Variants in UBR2 observed in about 807,000 individuals in gnomAD.
The protein encoded by UBR2 is ubiquitin protein ligase E3 component n-recognin 2, also known as E3 ubiquitin-protein ligase UBR2.
Under a neutral mutation model 247.9 loss-of-function variants are expected in UBR2, and 92 were observed. The observed-to-expected ratio is 0.37, with a 90% CI of 0.31 to 0.44. The LOEUF (loss-of-function observed/expected upper bound fraction) is 0.44, where lower values mean the gene tolerates loss of function less well. Among genes scored for constraint, UBR2 ranks in the 20% least tolerant of loss-of-function variants. The pLI is 1.00. For synonymous variants in UBR2, 672 were observed against 693.5 expected, an observed-to-expected ratio of 0.97 and a Z score of 0.49; for missense variants, 1,613 against 2,112.6, an observed-to-expected ratio of 0.76 and a Z score of 4.64.
Position 42,652,057 on chromosome 6 carries a change from A to G in UBR2, c.2600A>G (p.Asn867Ser). 2 of 1,590,358 alleles carry G rather than the reference A, an allele frequency of 1.3e-6. No individual in the cohort carries two copies. The highest frequency in any genetic ancestry group is 1.8e-5 in the Admixed American group (1 of 54,406). Residue 867 changes from asparagine (N) to serine (S), a missense_variant, in exon 24 of 47, where the codon AAT becomes AGT. Asn to Ser is a conservative substitution (Grantham distance 46). This residue lies in a region of UBR2 where 1,524 missense variants were observed against 1,967.3 expected (regional missense o/e 0.77). Coordinates refer to ENST00000372901, the MANE Select transcript of UBR2 (RefSeq NM_001363705.2). ...GCGCAACGGAAATTGAAAAGACAAA[A>G]TAGAGAAGATACAGGTATTTTTAAT... ...EEAQRKLKRQ[N>S]REDTALPPPV...
At chr6:42,625,376 A>G (rs1180434140) in intron 11 of UBR2, among the ~76,000 whole-genome samples, 2 of 152,070 alleles carry the variant, frequency 1.3e-5, no homozygotes, top group African/African-American at 4.8e-5. Flanking sequence ...TTTCAGATCT[A>G]TAGGTTTTGT....
chr6:42,672,274 C>T (rs909004648), intron 36 of UBR2, among the ~76,000 whole-genome samples: 2 of 152,106 alleles, frequency 1.3e-5, no homozygotes, highest in African/African-American at 4.8e-5. Context: ...CTCAGGTGAT[C>T]TGCCCATCTC....
Position 42,592,141 on chromosome 6 carries a change from A to G in UBR2, c.339-10A>G. ...TCTGACACTTTGATTTTTTTTTTTTAACTTTACAGAGACTGTGCAGTTGAT... is the reference window on the plus strand; with the variant it reads ...TCTGACACTTTGATTTTTTTTTTTTGACTTTACAGAGACTGTGCAGTTGAT... On this transcript the variant is annotated splice_polypyrimidine_tract_variant and intron_variant, in intron 2 of 46. Coordinates refer to ENST00000372901, the MANE Select transcript of UBR2 (RefSeq NM_001363705.2). 1 of 1,592,932 alleles carries G rather than the reference A, an allele frequency of 6.3e-7. No homozygotes were observed. The highest frequency in any genetic ancestry group is 8.5e-7 in the Non-Finnish European group (1 of 1,172,872).
At chr6:42,624,337 T>G (rs924566125) in intron 11 of UBR2, among the ~76,000 whole-genome samples, 2 of 145,954 alleles carry the variant, frequency 1.4e-5, no homozygotes, top group Non-Finnish European at 3.0e-5. Flanking sequence ...GTTGAGTTGG[T>G]GGGGGGGGTG....
chr6:42,598,761 C>T (rs1793166929), intron 4 of UBR2, among the ~76,000 whole-genome samples: 1 of 152,084 alleles, frequency 6.6e-6, no homozygotes, highest in Non-Finnish European at 1.5e-5. Context: ...TTTGTTGAGA[C>T]TTTTGGAAAA....
At chr6:42,607,176 C>CTT (rs55637503) in intron 7 of UBR2, among the ~76,000 whole-genome samples, 2 of 143,974 alleles carry the variant, frequency 1.4e-5, no homozygotes, top group Admixed American at 7.0e-5. Context: ...ATAATTTTAT[C>CTT]TTTTTTTTTT....
intron 6 of UBR2, among the ~76,000 whole-genome samples, chr6:42,606,267 A>G (rs1793693960): frequency 6.6e-6 from 1 of 152,192 alleles, no homozygotes; most frequent in African/African-American, 2.4e-5. Flanking sequence ...TTTCATTTGA[A>G]TATTGGCCCA....
intron 8 of UBR2, among the ~76,000 whole-genome samples, chr6:42,614,439 C>CATATATACGTATATATGTATGTAT (rs1262657277): frequency 2.2e-5 from 2 of 91,996 alleles, no homozygotes; most frequent in African/African-American, 8.5e-5. Flanking sequence ...TATGTATGTA[C>CATATATACGTATATATGTATGTAT]GTACATATAT....
Position 42,658,065 on chromosome 6 carries a change from A to G in UBR2, c.2914A>G (p.Met972Val), listed in dbSNP as rs768168632. The G allele has an allele frequency of 6.2e-7, 1 of 1,614,122 alleles. No homozygotes were observed. Among genetic ancestry groups the G allele is most frequent in the South Asian group, 1.1e-5 (1 of 91,074 alleles). ...APKNSPSILAMLETLQNAPYL... is the reference protein window; with the variant it reads ...APKNSPSILAVLETLQNAPYL... Reference sequence around the variant, plus strand: ...AAAAAATTCTCCTAGCATACTAGCTATGCTGGAAACACTACAAAATGCTCC... The same window carrying G: ...AAAAAATTCTCCTAGCATACTAGCTGTGCTGGAAACACTACAAAATGCTCC... Residue 972 changes from methionine to valine, a missense_variant, in exon 27 of 47, where the codon ATG (methionine) becomes GTG (valine). Around this residue, in one of 3 missense-constraint regions of UBR2, gnomAD observed 1,524 missense variants for 1,967.3 expected, o/e 0.77. Coordinates refer to ENST00000372901, the MANE Select transcript of UBR2 (RefSeq NM_001363705.2).
At chr6:42,677,940 G>A (rs1798805540) in intron 40 of UBR2, among the ~76,000 whole-genome samples, 1 of 152,168 alleles carries the variant, frequency 6.6e-6, no homozygotes, top group Non-Finnish European at 1.5e-5. Flanking sequence ...TGTGCCTGTA[G>A]TCCCAGCTGC....
chr6:42,630,302 A>T (rs1795633603), intron 11 of UBR2, among the ~76,000 whole-genome samples: 2 of 151,140 alleles, frequency 1.3e-5, no homozygotes, highest in African/African-American at 4.9e-5. Flanking sequence ...CTCCTGTCTC[A>T]GCCTCCCGAG....
At chr6:42,680,268 G>A (rs888408445) in intron 42 of UBR2, among the ~76,000 whole-genome samples, 3 of 152,180 alleles carry the variant, frequency 2.0e-5, no homozygotes, top group African/African-American at 4.8e-5. Flanking sequence ...TTACAGGTGT[G>A]AGCCACCGCA....
intron 2 of UBR2, among the ~76,000 whole-genome samples, chr6:42,578,670 G>A (rs972764784): frequency 1.3e-5 from 2 of 152,012 alleles, no homozygotes; most frequent in African/African-American, 2.4e-5. Context: ...GCAGAGGGGT[G>A]CAGATAGTTC....
In UBR2 at chr6:42,660,971, T is replaced by G. The variant is rs1200272507; in HGVS notation, c.3442+1116T>G. Among the ~76,000 whole-genome samples, 8 of 145,114 alleles carry G rather than the reference T, an allele frequency of 5.5e-5. No homozygotes were observed. In the South Asian group the frequency reaches 1.3e-3, roughly 24 times the overall value. ...AACGGAGCGAGACCCTGTGTGGTTTTTTTGTTTGTTTGTTTGTTTGTTTTT... is the reference window on the plus strand; with the variant it reads ...AACGGAGCGAGACCCTGTGTGGTTTGTTTGTTTGTTTGTTTGTTTGTTTTT... On this transcript the variant is annotated intron_variant, in intron 30 of 46. Coordinates refer to ENST00000372901, the MANE Select transcript of UBR2 (RefSeq NM_001363705.2).
chr6:42,645,292 A>G (rs979767873), intron 20 of UBR2, among the ~76,000 whole-genome samples, 174 bp from the exon 21 acceptor site: 2 of 152,206 alleles, frequency 1.3e-5, no homozygotes, highest in African/African-American at 4.8e-5. Flanking sequence ...TCTGAGACAC[A>G]GAAGCATGGT....
At chr6:42,634,913 C>G (rs529733241) in intron 13 of UBR2, among the ~76,000 whole-genome samples, 3 of 152,298 alleles carry the variant, frequency 2.0e-5, no homozygotes, top group Admixed American at 2.0e-4. Context: ...TTCTGACATA[C>G]TAGAATAGTT....
intron 34 of UBR2, among the ~76,000 whole-genome samples, chr6:42,667,946 G>A (rs1337527631): frequency 1.3e-5 from 2 of 151,376 alleles, no homozygotes; most frequent in African/African-American, 4.9e-5. Context: ...TTTAGTAGAG[G>A]TGGGGTTTCT....
intron 23 of UBR2, 51 bp from the exon 24 acceptor site, chr6:42,651,972 T>C (rs1797143846): frequency 3.3e-6 from 5 of 1,511,290 alleles, no homozygotes; most frequent in Non-Finnish European, 3.6e-6. Context: ...TAACCAGGTG[T>C]GGTGGTGGGC....
In UBR2 at chr6:42,635,510, T is replaced by C. The variant is rs143339136; in HGVS notation, c.1638T>C (p.His546=). 5.9e-4 allele frequency: 959 copies of C among 1,613,476 alleles called. 8 individuals are homozygous for C. Among genetic ancestry groups the C allele is most frequent in the South Asian group, 5.0e-3 (459 of 91,012 alleles). ...TCACACTACAAATGAAATTAACACA[T>C]GTCATTTCAATGATGCAGGACTGGT... The part of the protein sequence containing the change: ...AAFTLQMKLT[H]VISMMQDWCA... Residue 546 remains histidine, a synonymous_variant, in exon 14 of 47, where the codon CAT becomes CAC. Coordinates refer to ENST00000372901, the MANE Select transcript of UBR2 (RefSeq NM_001363705.2).
Sources: gnomAD v4.1 joint callset for allele counts (sites outside exome capture counted in the v4.1 genomes callset) on GRCh38, gnomAD v4.1.1 for gene constraint, gnomAD v4.1.1 regional missense constraint, MANE v1.5 for transcripts, NCBI Gene and HGNC (gene_info 2026-07-23, HGNC 2026-07-21) for gene names.